Variants in ERAP1 observed in about 807,000 individuals in gnomAD.
ERAP1 encodes adipocyte-derived leucine aminopeptidase.
Under a neutral mutation model 103.7 loss-of-function variants are expected in ERAP1, and 86 were observed. That is an observed-to-expected ratio of 0.83 (90% CI 0.70 to 0.99). The LOEUF is 0.99. Among genes scored for constraint, ERAP1 ranks in the 50% least tolerant of loss-of-function variants. The pLI is 0.00. For synonymous variants in ERAP1, 398 were observed against 402.4 expected (o/e 0.99, Z 0.13); for missense variants, 1,009 against 1,128.4 (o/e 0.89, Z 1.52).
At chr5:96,766,034 C>G in intron 19 of ERAP1, 2 of 1,320,054 alleles carry the variant, frequency 1.5e-6, no homozygotes, top group East Asian at 4.6e-5. Context: ...TTAATTCTAT[C>G]TGCTCACTGT....
At chr5:96,814,228 T>C in the ERAP1 span, 1 of 456,190 alleles carries the variant, frequency 2.2e-6, no homozygotes, top group Admixed American at 2.3e-5. Flanking sequence ...TTTTGCTGAC[T>C]GTTTTCTGGA....
chr5:96,848,996 G>A, the ERAP1 span, among the ~76,000 whole-genome samples: 2 of 152,034 alleles, frequency 1.3e-5, no homozygotes, highest in South Asian at 4.2e-4. Context: ...AAATGTAATT[G>A]ATCATATTAA....
chr5:96,895,360 G>C, the ERAP1 span: 53 of 1,584,428 alleles, frequency 3.3e-5, no homozygotes, highest in African/African-American at 6.5e-4. Flanking sequence ...GCTGCAATTT[G>C]TAAGTTCACA....
the ERAP1 span, among the ~76,000 whole-genome samples, chr5:96,845,414 T>C: frequency 1.3e-5 from 2 of 152,124 alleles, no homozygotes; most frequent in African/African-American, 4.8e-5. Flanking sequence ...TTTGTATTTT[T>C]AGTAGAGACA....
chr5:96,790,417 A>G (rs761706440), intron 9 of ERAP1, 50 bp from the exon 10 acceptor site: 1 of 1,610,024 alleles, frequency 6.2e-7, no homozygotes, highest in Admixed American at 1.7e-5. Context: ...GAAAACAATG[A>G]TTCTCCTCAG....
the ERAP1 span, among the ~76,000 whole-genome samples, chr5:96,876,703 G>A: frequency 6.6e-6 from 1 of 152,140 alleles, no homozygotes; most frequent in Non-Finnish European, 1.5e-5. Context: ...AGTTGAGGCT[G>A]GGACTTGATC....
At position 96,801,018 on chromosome 5, in the gene ERAP1, G is replaced by A. The variant is rs371635551; in HGVS notation, c.525-18C>T. ...CTAGTATCCTAAAATTAAGGCAAGT[G>A]AAATAAAAATTGAGCATGAAGCACC... On this transcript the variant is annotated intron_variant, in intron 2 of 18. Coordinates refer to ENST00000443439, the MANE Select transcript of ERAP1 (RefSeq NM_001040458.3). 6.2e-7 allele frequency: 1 copy of A among 1,613,426 alleles called. No individual in the cohort carries two copies. Among genetic ancestry groups the A allele is most frequent in the Non-Finnish European group, 8.5e-7 (1 of 1,179,954 alleles).
At chr5:96,820,968 AGG>A in the ERAP1 span, among the ~76,000 whole-genome samples, 2 of 19,290 alleles carry the variant, frequency 1.0e-4, no homozygotes, top group African/African-American at 3.1e-4. Context: ...GAGGAAGAAG[AGG>A]AAGAGAGAGG....
chr5:96,763,030 A>G (rs1216447573), exon 20 of ERAP1: 3 of 715,116 alleles, frequency 4.2e-6, no homozygotes, highest in South Asian at 1.4e-5. Flanking sequence ...CAGCACATCA[A>G]ATTATAAAGG....
chr5:96,883,487 T>G, the ERAP1 span, among the ~76,000 whole-genome samples: 1 of 152,250 alleles, frequency 6.6e-6, no homozygotes, highest in South Asian at 2.1e-4. Flanking sequence ...TTCAGTCATT[T>G]ACTGGCTGCG....
the ERAP1 span, chr5:96,917,793 C>T: frequency 3.0e-6 from 1 of 334,102 alleles, no homozygotes; most frequent in East Asian, 6.5e-5. Context: ...GTAGTCCCAG[C>T]TACTCGGCAG....
exon 20 of ERAP1, chr5:96,761,123 C>T (rs1487315979): frequency 6.6e-6 from 1 of 152,044 alleles, no homozygotes; most frequent in Admixed American, 6.6e-5. Flanking sequence ...TTTTGTGTAG[C>T]ATTAGATGAA....
At chr5:96,930,490 C>T in the ERAP1 span, among the ~76,000 whole-genome samples, 2 of 151,962 alleles carry the variant, frequency 1.3e-5, no homozygotes, top group Non-Finnish European at 2.9e-5. Flanking sequence ...GCATAAATTC[C>T]TGTTCTCTTT....
the ERAP1 span, chr5:96,901,482 T>C: frequency 6.2e-7 from 1 of 1,610,456 alleles, no homozygotes; most frequent in African/African-American, 1.3e-5. Flanking sequence ...TCTCTTGAGT[T>C]ATCATAGTCA....
At chr5:96,833,267 C>T in the ERAP1 span, among the ~76,000 whole-genome samples, 1 of 152,194 alleles carries the variant, frequency 6.6e-6, no homozygotes, top group African/African-American at 2.4e-5. Flanking sequence ...TTGCTGTTGT[C>T]CAGCTGCAAA....
chr5:96,767,903 T>G, intron 19 of ERAP1: 1 of 1,606,440 alleles, frequency 6.2e-7, no homozygotes, highest in Non-Finnish European at 8.5e-7. Context: ...TACTCATATC[T>G]CAGAAACCTG....
At chr5:96,880,301 T>C in the ERAP1 span, 13 of 1,535,266 alleles carry the variant, frequency 8.5e-6, no homozygotes, top group Admixed American at 5.9e-5. Flanking sequence ...TTTGTGATAA[T>C]TTCCTTACGA....
chr5:96,783,695 CAAATT>C (rs1404463006), intron 14 of ERAP1, among the ~76,000 whole-genome samples: 1 of 151,960 alleles, frequency 6.6e-6, no homozygotes, highest in Non-Finnish European at 1.5e-5. Context: ...CAAATCCATG[CAAATT>C]AAATAGAGTC....
chr5:96,888,018 G>A, the ERAP1 span, among the ~76,000 whole-genome samples: 2 of 151,916 alleles, frequency 1.3e-5, no homozygotes, highest in Non-Finnish European at 1.5e-5. Flanking sequence ...CCAGCTACTC[G>A]GGAGGCTGAG....
Sources: allele counts gnomAD v4.1 joint callset (sites outside exome capture counted in the v4.1 genomes callset), GRCh38; gene constraint gnomAD v4.1.1; transcripts MANE v1.5; gene names NCBI Gene and HGNC (gene_info 2026-07-23, HGNC 2026-07-21).